Variants in PRDM5 observed in about 807,000 individuals in gnomAD.
PRDM5 encodes the protein PR/SET domain 5.
A neutral mutation model predicts 81.2 loss-of-function variants in PRDM5; 56 were observed. The observed-to-expected ratio is 0.69, with a 90% confidence interval of 0.56 to 0.86. PRDM5 has a LOEUF of 0.86. Among genes scored for constraint, PRDM5 ranks in the 40% least tolerant of loss-of-function variants. The pLI, the probability that PRDM5 is intolerant of heterozygous loss-of-function variation, is 0.00. For synonymous variants in PRDM5, 267 were observed against 256.4 expected (o/e 1.04, Z -0.39); for missense variants, 697 against 770.1 (o/e 0.91, Z 1.12).
chr4:120,764,627 T>C (rs1387376097), intron 13 of PRDM5, among the ~76,000 whole-genome samples: 6 of 151,516 alleles, frequency 4.0e-5, no homozygotes, highest in Non-Finnish European at 7.4e-5. Context: ...ATTGATGTGG[T>C]TGTGGATCTG....
chr4:120,799,670 T>G lies in PRDM5; in HGVS notation c.1021A>C (p.Thr341Pro). The G allele has an allele frequency of 6.2e-7, 1 of 1,612,532 alleles. No homozygotes were observed. The highest frequency in any genetic ancestry group is 8.5e-7 in the Non-Finnish European group (1 of 1,179,676). Reference protein sequence around the residue: ...SANQLKRHMITHSEKRPYNCE... With the variant: ...SANQLKRHMIPHSEKRPYNCE... ...AAAGTATATAGTTTACCTGAGTGGGTGATCATATGACGTTTTAGCTGATTA... is the reference window on the plus strand; with the variant it reads ...AAAGTATATAGTTTACCTGAGTGGGGGATCATATGACGTTTTAGCTGATTA... The change falls in exon 9 of 16, where the codon ACC (threonine) becomes CCC (proline). Residue 341 changes from threonine to proline, a missense_variant. This residue lies in a region of PRDM5 where 577 missense variants were observed against 606.7 expected (regional missense o/e 0.95). Transcript: ENST00000264808.
chr4:120,792,277 A>G (rs1478001179), intron 10 of PRDM5, among the ~76,000 whole-genome samples: 1 of 152,194 alleles, frequency 6.6e-6, no homozygotes, highest in Non-Finnish European at 1.5e-5. Flanking sequence ...AGTTTTTACT[A>G]TATTGAAGAA....
intron 10 of PRDM5, among the ~76,000 whole-genome samples, chr4:120,787,834 T>C (rs549490958): frequency 6.6e-6 from 1 of 152,276 alleles, no homozygotes; most frequent in East Asian, 1.9e-4. Context: ...CTACAGGTAC[T>C]TGAATATTTC....
intron 12 of PRDM5, among the ~76,000 whole-genome samples, chr4:120,780,161 A>C (rs1216003009): frequency 6.6e-6 from 1 of 152,136 alleles, no homozygotes; most frequent in African/African-American, 2.4e-5. Flanking sequence ...GGTTACTTCT[A>C]AAGTTAACAC....
chr4:120,734,417 C>CAA (rs1561017275), intron 14 of PRDM5, among the ~76,000 whole-genome samples: 1 of 124,498 alleles, frequency 8.0e-6, no homozygotes, highest in Non-Finnish European at 1.7e-5. Flanking sequence ...CACACACACA[C>CAA]AAATACACAC....
chr4:120,796,384 G>A (rs192527013), intron 10 of PRDM5, among the ~76,000 whole-genome samples: 124 of 152,248 alleles, frequency 8.1e-4, no homozygotes, highest in African/African-American at 2.7e-3. Flanking sequence ...TGCTTCCCAA[G>A]ACATCATTAT....
intron 14 of PRDM5, among the ~76,000 whole-genome samples, chr4:120,711,334 T>G (rs1425167978): frequency 6.6e-6 from 1 of 152,210 alleles, no homozygotes; most frequent in Non-Finnish European, 1.5e-5. Flanking sequence ...AGTCTCCCTC[T>G]GTCACCTAGG....
intron 14 of PRDM5, among the ~76,000 whole-genome samples, chr4:120,754,041 T>C (rs1489291668): frequency 3.9e-5 from 6 of 152,190 alleles, no homozygotes; most frequent in African/African-American, 1.4e-4. Context: ...AAGGGCACCC[T>C]GGGAAGAATA....
intron 2 of PRDM5, among the ~76,000 whole-genome samples, chr4:120,861,270 A>G (rs763833339): frequency 6.6e-6 from 1 of 152,288 alleles, no homozygotes; most frequent in Admixed American, 6.5e-5. Flanking sequence ...AGCCTTCCAA[A>G]GTGCTGGGAT....
At chr4:120,773,544 G>A (rs1049226030) in intron 13 of PRDM5, among the ~76,000 whole-genome samples, 3 of 152,104 alleles carry the variant, frequency 2.0e-5, no homozygotes, top group Non-Finnish European at 2.9e-5. Flanking sequence ...ACAGAATCAC[G>A]CATGGGTAAA....
chr4:120,853,320 A>G, intron 3 of PRDM5, 98 bp downstream of exon 3: 2 of 1,538,814 alleles, frequency 1.3e-6, no homozygotes, highest in East Asian at 2.3e-5. Context: ...TATTTGAAGG[A>G]GGTCATTGGG....
At chr4:120,815,722 A>T (rs1382057235) in intron 7 of PRDM5, among the ~76,000 whole-genome samples, 3 of 152,232 alleles carry the variant, frequency 2.0e-5, no homozygotes, top group African/African-American at 7.2e-5. Context: ...AGAGAAGAAC[A>T]CACAGGGTTT....
chr4:120,899,174 C>T (rs1379548511), intron 2 of PRDM5, among the ~76,000 whole-genome samples: 1 of 152,110 alleles, frequency 6.6e-6, no homozygotes, highest in Non-Finnish European at 1.5e-5. Flanking sequence ...CTGATACTTA[C>T]TTTGGTTACC....
At chr4:120,792,487 C>T (rs1750723378) in intron 10 of PRDM5, among the ~76,000 whole-genome samples, 2 of 152,098 alleles carry the variant, frequency 1.3e-5, no homozygotes, top group South Asian at 4.1e-4. Context: ...ATTAGCATAT[C>T]CATTGTAGAA....
chr4:120,712,012 A>G (rs1349178663), intron 14 of PRDM5, among the ~76,000 whole-genome samples: 1 of 152,102 alleles, frequency 6.6e-6, no homozygotes, highest in East Asian at 1.9e-4. Context: ...TGGGCTGGGC[A>G]TGGTGGCTCA....
chr4:120,777,566 T>C (rs1425231407), intron 12 of PRDM5, among the ~76,000 whole-genome samples: 2 of 152,104 alleles, frequency 1.3e-5, no homozygotes, highest in Non-Finnish European at 2.9e-5. Flanking sequence ...TACAAACCAG[T>C]ATATTCTAGC....
rs141907383 is a variant in PRDM5 at position 120,861,007 on chromosome 4, T to C, written c.178-7467A>G. On this transcript the variant is annotated intron_variant, in intron 2 of 15. Coordinates refer to ENST00000264808, the MANE Select transcript of PRDM5 (RefSeq NM_018699.4). ...CTTCTAGCCTTATAGTCATCAGTTA[T>C]CTCTTTGTTGTTGTTGTTAACATGG... Among the ~76,000 whole-genome samples the C allele has an allele frequency of 2.1e-3, 313 of 152,296 alleles. 2 individuals are homozygous for C. Among genetic ancestry groups the C allele is most frequent in the African/African-American group, 7.1e-3 (295 of 41,558 alleles).
At chr4:120,862,154 C>A (rs1579026933) in intron 2 of PRDM5, among the ~76,000 whole-genome samples, 5 of 152,330 alleles carry the variant, frequency 3.3e-5, no homozygotes, top group Admixed American at 3.3e-4. Context: ...AATCATCCAG[C>A]AATCATAGTT....
chr4:120,812,364 AG>A (rs1193998723), intron 7 of PRDM5, among the ~76,000 whole-genome samples: 1 of 152,104 alleles, frequency 6.6e-6, no homozygotes, highest in Non-Finnish European at 1.5e-5. Flanking sequence ...TTACCCAAAG[AG>A]GCTGTACTAA....
Sources: allele counts gnomAD v4.1 joint callset (sites outside exome capture counted in the v4.1 genomes callset), GRCh38; gene constraint gnomAD v4.1.1; regional missense constraint gnomAD v4.1.1; transcripts MANE v1.5; gene names NCBI Gene and HGNC (gene_info 2026-07-23, HGNC 2026-07-21).